SVOP: variants seen among roughly 807,000 people sequenced by gnomAD.
The protein encoded by SVOP is SV2 related protein, also known as synaptic vesicle 2-related protein.
Under a neutral mutation model 69.1 loss-of-function variants are expected in SVOP, and 17 were observed. The observed-to-expected ratio is 0.25, with a 90% CI of 0.17 to 0.37. SVOP has a LOEUF of 0.37. SVOP is among the 10% of genes least tolerant of loss of function. The probability of loss-of-function intolerance (pLI) is 1.00; values close to 1 mark genes in which losing one functional copy is unlikely to be tolerated. For missense variants in SVOP, 435 were observed against 597.5 expected, an observed-to-expected ratio of 0.73 and a Z score of 2.84; for synonymous variants, 238 against 238.6, an observed-to-expected ratio of 1.00 and a Z score of 0.02.
chr12:108,931,172 C>T (rs1184058068), intron 11 of SVOP, among the ~76,000 whole-genome samples: 5 of 152,134 alleles, frequency 3.3e-5, no homozygotes, highest in Non-Finnish European at 7.3e-5. Flanking sequence ...CTCCCACACC[C>T]CCACAGTGAG....
rs1205176303 is a variant in SVOP at position 108,909,667 on chromosome 12, G to GT, written c.*2867dup. 6.6e-5 allele frequency: 10 copies of GT among 152,108 alleles called. No homozygotes were observed. The highest frequency in any genetic ancestry group is 2.4e-4 in the African/African-American group (10 of 41,416). 9.4% of individuals were successfully genotyped at this position (152,108 alleles called of 1,614,324 possible). A position where few individuals can be genotyped will look rare whatever the true frequency, so the allele number is the denominator to read the frequency against. On this transcript the variant is annotated 3_prime_UTR_variant, in exon 16 of 16. Transcript: ENST00000610966. ...TGAACACCACCAAGGTCAGTTATAT[G>GT]TTTTTCAGAATACTTGAAGTACGAG...
At chr12:109,020,669 G>A (rs2040391654) in intron 1 of SVOP, among the ~76,000 whole-genome samples, 165 bp downstream of exon 1, 1 of 151,702 alleles carries the variant, frequency 6.6e-6, no homozygotes, top group Non-Finnish European at 1.5e-5. Flanking sequence ...GGCTGCTGGG[G>A]AAAGAAAATG....
At chr12:108,969,972 G>T (rs1248530931) in intron 5 of SVOP, among the ~76,000 whole-genome samples, 1 of 152,114 alleles carries the variant, frequency 6.6e-6, no homozygotes, top group Non-Finnish European at 1.5e-5. Flanking sequence ...CCCCATCACC[G>T]GCCAAGACCC....
chr12:108,959,981 T>C (rs2040008218), intron 6 of SVOP, among the ~76,000 whole-genome samples: 4 of 152,186 alleles, frequency 2.6e-5, no homozygotes, highest in Admixed American at 2.6e-4. Context: ...GGGTTAATAA[T>C]AGAATTTACC....
At chr12:108,991,697 C>G (rs2040201297) in intron 1 of SVOP, among the ~76,000 whole-genome samples, 1 of 151,896 alleles carries the variant, frequency 6.6e-6, no homozygotes, top group South Asian at 2.1e-4. Context: ...TTCAGGTGAT[C>G]CACCTGCCTT....
chr12:108,942,028 A>G (rs138287755), intron 7 of SVOP, among the ~76,000 whole-genome samples: 2 of 152,186 alleles, frequency 1.3e-5, no homozygotes, highest in African/African-American at 4.8e-5. Flanking sequence ...CTTGGCAACC[A>G]CTATTCTACT....
At chr12:108,976,761 G>GC (rs2040108791) in intron 4 of SVOP, among the ~76,000 whole-genome samples, 1 of 151,830 alleles carries the variant, frequency 6.6e-6, no homozygotes, top group Non-Finnish European at 1.5e-5. Flanking sequence ...GATTACAGGC[G>GC]CCCCCACCAC....
intron 1 of SVOP, among the ~76,000 whole-genome samples, chr12:108,989,347 T>C (rs149872207): frequency 4.4e-4 from 67 of 152,290 alleles, no homozygotes; most frequent in African/African-American, 1.5e-3. Flanking sequence ...AGTGCTGGGA[T>C]TAGGATTTTT....
In SVOP at chr12:108,937,356, A is replaced by G. The variant is rs373685446; in HGVS notation, c.898-19T>C. 5.6e-6 allele frequency: 9 copies of G among 1,612,638 alleles called. No homozygotes were observed. The highest frequency in any genetic ancestry group is 7.6e-6 in the Non-Finnish European group (9 of 1,178,696). On this transcript the variant is annotated intron_variant, in intron 9 of 15. Transcript: ENST00000610966. ...GGTCTTCCTGTTTCAAAACAAGGAC[A>G]TAGTGTTTATTCTCTCCCCTACAGA...
intron 1 of SVOP, among the ~76,000 whole-genome samples, chr12:109,005,037 C>T (rs987255188): frequency 6.6e-6 from 1 of 152,150 alleles, no homozygotes; most frequent in Admixed American, 6.6e-5. Flanking sequence ...TGTGCCTAGC[C>T]AGGTATTTTA....
In SVOP at chr12:108,926,268, A is replaced by G. The variant is rs111971895; in HGVS notation, c.1049-3471T>C. Among the ~76,000 whole-genome samples the G allele has an allele frequency of 3.1e-3, 465 of 152,220 alleles. 4 individuals are homozygous for G. The highest frequency in any genetic ancestry group is 0.01 in the African/African-American group (431 of 41,536). ...AGTACCCAATGTTTAGCTCCCACTT[A>G]TAAGTAAGAACATGTCGTATTTGGT... On this transcript the variant is annotated intron_variant, in intron 11 of 15. Coordinates refer to ENST00000610966, the MANE Select transcript of SVOP (RefSeq NM_018711.5).
rs181347791 is a variant in SVOP at position 109,016,452 on chromosome 12, A to G, written c.35+4382T>C. ...CAGGATGATGTCCCAACTCCTTGTC[A>G]TATACTACAAGACCCTGGATGGCCT... On this transcript the variant is annotated intron_variant, in intron 1 of 15. Coordinates refer to ENST00000610966, the MANE Select transcript of SVOP (RefSeq NM_018711.5). 3.9e-4 allele frequency among the ~76,000 whole-genome samples: 60 copies of G among 152,320 alleles called. 1 individual carries two copies. Among genetic ancestry groups the G allele is most frequent in the Middle Eastern group, 3.4e-3 (1 of 294 alleles).
intron 12 of SVOP, among the ~76,000 whole-genome samples, chr12:108,921,875 AT>A (rs2039750093): frequency 6.6e-6 from 1 of 152,266 alleles, no homozygotes; most frequent in African/African-American, 2.4e-5. Context: ...ATAAGATTGC[AT>A]CTGTAAGACA....
At chr12:108,974,364 C>T (rs2040095577) in intron 4 of SVOP, among the ~76,000 whole-genome samples, 1 of 152,080 alleles carries the variant, frequency 6.6e-6, no homozygotes, top group Admixed American at 6.6e-5. Context: ...CTATTGTGTA[C>T]TACTAAAAAT....
At chr12:109,011,369 C>T (rs934107103) in intron 1 of SVOP, among the ~76,000 whole-genome samples, 1 of 152,150 alleles carries the variant, frequency 6.6e-6, no homozygotes, top group African/African-American at 2.4e-5. Context: ...GGTGGGTTCC[C>T]TTGGGGGATG....
At chr12:108,973,053 C>T (rs948516985) in intron 4 of SVOP, among the ~76,000 whole-genome samples, 2 of 152,250 alleles carry the variant, frequency 1.3e-5, no homozygotes, top group East Asian at 1.9e-4. Context: ...AAACCTGCTC[C>T]GCCTCCCTGA....
At chr12:108,919,385 C>A (rs923449987) in intron 13 of SVOP, among the ~76,000 whole-genome samples, 6 of 151,052 alleles carry the variant, frequency 4.0e-5, no homozygotes, top group African/African-American at 1.5e-4. Flanking sequence ...ACACCTGGGC[C>A]TATACCCACA....
intron 1 of SVOP, among the ~76,000 whole-genome samples, chr12:109,016,105 T>C (rs1235302026): frequency 6.6e-6 from 1 of 152,172 alleles, no homozygotes; most frequent in Non-Finnish European, 1.5e-5. Context: ...ATCGAGACCA[T>C]ACTCAAAGCC....
At chr12:108,989,874 T>C (rs1173398912) in intron 1 of SVOP, among the ~76,000 whole-genome samples, 1 of 152,214 alleles carries the variant, frequency 6.6e-6, no homozygotes, top group Non-Finnish European at 1.5e-5. Flanking sequence ...CCTCAAACCA[T>C]GCAACTAGTT....
Sources: gnomAD v4.1 joint callset for allele counts (sites outside exome capture counted in the v4.1 genomes callset) on GRCh38, gnomAD v4.1.1 for gene constraint, MANE v1.5 for transcripts, NCBI Gene and HGNC (gene_info 2026-07-23, HGNC 2026-07-21) for gene names.